Variants in ADCK5 observed in about 807,000 individuals in gnomAD.
ADCK5 encodes uncharacterized aarF domain-containing protein kinase 5.
A neutral mutation model predicts 64.9 loss-of-function variants in ADCK5; 43 were observed. That is an observed-to-expected ratio of 0.66 (90% confidence interval 0.52 to 0.85). The LOEUF (loss-of-function observed/expected upper bound fraction) is 0.85, where lower values mean the gene tolerates loss of function less well. Among genes scored for constraint, ADCK5 ranks in the 40% least tolerant of loss-of-function variants. The pLI is 0.00. For synonymous variants in ADCK5, 434 were observed against 342.8 expected (o/e 1.27, Z -2.94); for missense variants, 760 against 810.5 (o/e 0.94, Z 0.76).
In ADCK5 at chr8:144,379,489, AG is replaced by A. The variant is rs782756308; in HGVS notation, c.116+1del. 6.3e-7 allele frequency: 1 copy of A among 1,598,166 alleles called. No homozygotes were observed. The highest frequency in any genetic ancestry group is 1.1e-5 in the South Asian group (1 of 89,400). ...FRRNVRGLPP[R>X]FSSPTPLWRK... is the part of the protein sequence containing the mutation. ...GAGAAACGTCAGGGGCCTTCCTCCAAGGTAACGAGTCCTCCACGGGCATGCG... is the reference window on the plus strand; with the variant it reads ...GAGAAACGTCAGGGGCCTTCCTCCAAGTAACGAGTCCTCCACGGGCATGCG... On this transcript the variant is annotated frameshift_variant and splice_region_variant, in exon 2 of 15. Coordinates refer to ENST00000308860, the MANE Select transcript of ADCK5 (RefSeq NM_174922.5). LOFTEE classifies it high-confidence loss of function.
chr8:144,387,476 C>T (rs1819973731), intron 3 of ADCK5, among the ~76,000 whole-genome samples: 1 of 152,146 alleles, frequency 6.6e-6, no homozygotes. Context: ...TCTTGGCTCA[C>T]TTCAGCCTCT....
chr8:144,391,338 C>G, intron 6 of ADCK5, 23 bp from the exon 7 acceptor site: 1 of 1,612,720 alleles, frequency 6.2e-7, no homozygotes, highest in Non-Finnish European at 8.5e-7. Flanking sequence ...CCCAAGTTCT[C>G]ACCACACCCT....
rs556942945 is a variant in ADCK5, at chr8:144,379,400, A to T, written c.26A>T (p.His9Leu). 1 of 1,607,080 alleles carries T rather than the reference A, an allele frequency of 6.2e-7. No homozygotes were observed. The highest frequency in any genetic ancestry group is 8.5e-7 in the Non-Finnish European group (1 of 1,176,064). ...CTCTCTTTGCAGGTGCAGCTCTGTC[A>T]TTTCCACTCTGCTCTGCTGCACAGC... is the stretch of plus-strand genomic sequence containing the variant. MWRPVQLC[H>L]FHSALLHSRQ... Residue 9 changes from histidine to leucine, a missense_variant, in exon 2 of 15, where the codon CAT (histidine) becomes CTT (leucine). Physicochemically the swap from His to Leu is moderately conservative, Grantham distance 99. Coordinates refer to ENST00000308860, the MANE Select transcript of ADCK5 (RefSeq NM_174922.5).
intron 3 of ADCK5, among the ~76,000 whole-genome samples, chr8:144,389,520 G>A (rs1554859940): frequency 6.6e-6 from 1 of 152,224 alleles, no homozygotes; most frequent in Non-Finnish European, 1.5e-5. Flanking sequence ...ATGGACACAG[G>A]CTGCCCATTC....
Position 144,382,904 on chromosome 8 carries a change from A to C in ADCK5, c.117-177A>C, listed in dbSNP as rs141015574. ...TGGTGCCGGGCTTTGGTGCAGGGGCATCTGGTGCAGGGGCTCAGGGAAGGG... is the reference window on the plus strand; with the variant it reads ...TGGTGCCGGGCTTTGGTGCAGGGGCCTCTGGTGCAGGGGCTCAGGGAAGGG... On this transcript the variant is annotated intron_variant, in intron 2 of 14. Transcript: ENST00000308860. 1.3e-4 allele frequency among the ~76,000 whole-genome samples: 20 copies of C among 152,292 alleles called. No homozygotes were observed. In the East Asian group the frequency reaches 3.7e-3, roughly 28 times the overall value.
chr8:144,378,773 G>T (rs1313562736), intron 1 of ADCK5, among the ~76,000 whole-genome samples: 1 of 151,966 alleles, frequency 6.6e-6, no homozygotes, highest in African/African-American at 2.4e-5. Flanking sequence ...CAGCTACTCG[G>T]GGGGCTGGGG....
At chr8:144,375,382 T>A (rs1394276629) in intron 1 of ADCK5, 1 of 882,010 alleles carries the variant, frequency 1.1e-6, no homozygotes, top group Non-Finnish European at 1.4e-6. Context: ...TTGGGGACAA[T>A]TATGTGCCTC....
At chr8:144,374,208 C>T (rs1333024627) in intron 1 of ADCK5, 101 bp downstream of exon 1, 4 of 1,108,764 alleles carry the variant, frequency 3.6e-6, no homozygotes, top group South Asian at 4.6e-5. Flanking sequence ...ACCCTCGGGG[C>T]TTTTTCCCTC....
chr8:144,375,432 C>T (rs1819323104), intron 1 of ADCK5: 7 of 982,880 alleles, frequency 7.1e-6, no homozygotes, highest in South Asian at 4.7e-5. Context: ...CTGTTGGGTT[C>T]CCCAGGCTCT....
In ADCK5 at chr8:144,391,457, T is replaced by C. The variant is rs782484812; in HGVS notation, c.781T>C (p.Phe261Leu). 12 of 1,611,536 alleles carry C rather than the reference T, an allele frequency of 7.4e-6. No homozygotes were observed. In the Admixed American group the frequency reaches 1.8e-4, roughly 25 times the overall value. The change falls in exon 7 of 15, where the codon TTC (phenylalanine) becomes CTC (leucine). Residue 261 changes from phenylalanine (F) to leucine (L), a missense_variant. Phe to Leu is a conservative substitution (Grantham distance 22). This residue lies in a region of ADCK5 where 427 missense variants were observed against 518.4 expected (regional missense o/e 0.82). Transcript: ENST00000308860. Reference sequence around the variant, plus strand: ...TGAGGTCATGCACCCCAGCTTTGGCTTCAGCTGGGTCCTCCAGGTACAGCC... The same window carrying C: ...TGAGGTCATGCACCCCAGCTTTGGCCTCAGCTGGGTCCTCCAGGTACAGCC... The part of the protein sequence containing the change: ...LVEVMHPSFG[F>L]SWVLQDLKGT...
chr8:144,392,073 TAA>T lies in ADCK5; in HGVS notation c.1097-18_1097-17del, dbSNP rs782006388. On this transcript the variant is annotated splice_polypyrimidine_tract_variant and intron_variant, in intron 10 of 14. Coordinates refer to ENST00000308860, the MANE Select transcript of ADCK5 (RefSeq NM_174922.5). ...GTCTCAGGGTGGGCGCAGCGCGACCTAAGAGGCTGTATCCCTAGTTCTGGTGC... is the reference window on the plus strand; with the variant it reads ...GTCTCAGGGTGGGCGCAGCGCGACCTGAGGCTGTATCCCTAGTTCTGGTGC... 1.2e-6 allele frequency: 2 copies of T among 1,611,922 alleles called. No individual in the cohort carries two copies. Among genetic ancestry groups the T allele is most frequent in the Non-Finnish European group, 1.7e-6 (2 of 1,179,834 alleles).
rs374564972 is a variant in ADCK5, at chr8:144,380,418, G to A, written c.116+928G>A. Among the ~76,000 whole-genome samples, 9 of 149,594 alleles carry A rather than the reference G, an allele frequency of 6.0e-5. No homozygotes were observed. The East Asian group carries it at 9.8e-4, about 16-fold the overall frequency. ...GGGCCGGGTGTAGAAACAGATGTGTGCTCAGGCACCTGCTGCACTCAGGAT... is the reference window on the plus strand; with the variant it reads ...GGGCCGGGTGTAGAAACAGATGTGTACTCAGGCACCTGCTGCACTCAGGAT... On this transcript the variant is annotated intron_variant, in intron 2 of 14. Transcript: ENST00000308860.
In ADCK5 at chr8:144,393,095, G is replaced by T; in HGVS notation, c.*21G>T. 6.5e-7 allele frequency: 1 copy of T among 1,529,212 alleles called. No homozygotes were observed. 94.7% of individuals were successfully genotyped at this position (1,529,212 alleles called of 1,614,324 possible). A position where few individuals can be genotyped will look rare whatever the true frequency, so the allele number is the denominator to read the frequency against. ...CCTAGGGTGCAGCCGCCCAGGGCCG[G>T]CGGGGCCCTTTTCACCTTGGGCTGA... On this transcript the variant is annotated 3_prime_UTR_variant, in exon 15 of 15. Coordinates refer to ENST00000308860, the MANE Select transcript of ADCK5 (RefSeq NM_174922.5).
intron 2 of ADCK5, among the ~76,000 whole-genome samples, chr8:144,382,560 C>T (rs574720914): frequency 5.3e-5 from 8 of 152,338 alleles, no homozygotes; most frequent in African/African-American, 1.9e-4. Context: ...TATTGGGCTT[C>T]TGCTGTATTC....
In ADCK5 at chr8:144,391,507, G is replaced by A; in HGVS notation, c.798+33G>A. ...CCCACCCCTTCCCCGGCCAGCAGGA[G>A]CAAACACGTAGGCAGAGCTGGTAGG... On this transcript the variant is annotated intron_variant, in intron 7 of 14. Coordinates refer to ENST00000308860, the MANE Select transcript of ADCK5 (RefSeq NM_174922.5). The A allele has an allele frequency of 3.1e-6, 5 of 1,596,206 alleles. No homozygotes were observed. In the South Asian group the frequency reaches 5.6e-5, roughly 18 times the overall value.
chr8:144,380,235 C>T (rs1373341951), intron 2 of ADCK5, among the ~76,000 whole-genome samples: 172 of 106,338 alleles, frequency 1.6e-3, no homozygotes, highest in East Asian at 4.7e-3. Context: ...GATTATGGGC[C>T]GGGTGTAGAA....
chr8:144,391,572 G>T lies in ADCK5; in HGVS notation c.799-8G>T. 3.2e-6 allele frequency: 5 copies of T among 1,581,404 alleles called. No individual in the cohort carries two copies. Among genetic ancestry groups the T allele is most frequent in the Non-Finnish European group, 4.3e-6 (5 of 1,169,176 alleles). On this transcript the variant is annotated splice_region_variant and splice_polypyrimidine_tract_variant and intron_variant, in intron 7 of 14. Transcript: ENST00000308860. ...AGAGCTGGTCTTCAACCGCCATCTG[G>T]CCCCCAGGACCTGAAGGGGACCCTG...
At position 144,379,400 on chromosome 8, in the gene ADCK5, A is replaced by C. The variant is rs556942945; in HGVS notation, c.26A>C (p.His9Pro). The C allele has an allele frequency of 1.2e-6, 2 of 1,607,080 alleles. No homozygotes were observed. The highest frequency in any genetic ancestry group is 4.5e-5 in the East Asian group (2 of 44,512). The change falls in exon 2 of 15, where the codon CAT (histidine) becomes CCT (proline). Residue 9 changes from histidine to proline, a missense_variant. By Grantham distance (77) the His-to-Pro change is moderately conservative. Coordinates refer to ENST00000308860, the MANE Select transcript of ADCK5 (RefSeq NM_174922.5). Reference protein sequence around the residue: MWRPVQLCHFHSALLHSRQ... With the variant: MWRPVQLCPFHSALLHSRQ... Reference sequence around the variant, plus strand: ...CTCTCTTTGCAGGTGCAGCTCTGTCATTTCCACTCTGCTCTGCTGCACAGC... The same window carrying C: ...CTCTCTTTGCAGGTGCAGCTCTGTCCTTTCCACTCTGCTCTGCTGCACAGC...
chr8:144,377,997 A>C (rs1200341212), intron 1 of ADCK5, among the ~76,000 whole-genome samples: 2 of 152,212 alleles, frequency 1.3e-5, no homozygotes, highest in African/African-American at 4.8e-5. Context: ...GGTGGGTCCC[A>C]TCCCAGATGA....
Sources: allele counts gnomAD v4.1 joint callset (sites outside exome capture counted in the v4.1 genomes callset), GRCh38; gene constraint gnomAD v4.1.1; regional missense constraint gnomAD v4.1.1; transcripts MANE v1.5; gene names NCBI Gene and HGNC (gene_info 2026-07-23, HGNC 2026-07-21).